The following SLCO1B1 variants were observed in gnomAD, a reference collection of about 807,000 sequenced individuals.
SLCO1B1 encodes solute carrier organic anion transporter family member 1B1.
SLCO1B1 carries 81 observed loss-of-function variants against 70.1 expected under a neutral mutation model. That is an observed-to-expected ratio of 1.16 (90% CI 0.97 to 1.39). The LOEUF (loss-of-function observed/expected upper bound fraction) is 1.39, where lower values mean the gene tolerates loss of function less well. Ranked by LOEUF, SLCO1B1 falls within the 40% of genes most tolerant of loss-of-function variation. SLCO1B1 has a pLI of 0.00. For missense variants in SLCO1B1, 895 were observed against 799.6 expected (o/e 1.12, Z -1.44); for synonymous variants, 283 against 271.5 (o/e 1.04, Z -0.42).
In SLCO1B1 at chr12:21,239,077, A is replaced by G. The variant is rs56199088; in HGVS notation, c.1964A>G (p.Asp655Gly). Reference sequence around the variant, plus strand: ...ATGAAGAAAAAATATCAAGAGAAAGATATCAATGCATCAGAAAATGGAAGT... The same window carrying G: ...ATGAAGAAAAAATATCAAGAGAAAGGTATCAATGCATCAGAAAATGGAAGT... ...YAMKKKYQEK[D>G]INASENGSVM... The change falls in exon 15 of 15, where the codon GAT becomes GGT. Residue 655 changes from aspartate (D) to glycine (G), a missense_variant. Physicochemically the swap from Asp to Gly is moderately conservative, Grantham distance 94 (BLOSUM62 -1). Transcript: ENST00000256958. 1 of 1,596,574 alleles carries G rather than the reference A, an allele frequency of 6.3e-7. No homozygotes were observed. Among genetic ancestry groups the G allele is most frequent in the African/African-American group, 1.3e-5 (1 of 74,682 alleles).
chr12:21,138,918 C>A (rs1940267972), intron 1 of SLCO1B1, among the ~76,000 whole-genome samples: 1 of 151,948 alleles, frequency 6.6e-6, no homozygotes, highest in Non-Finnish European at 1.5e-5. Flanking sequence ...GTTGTGAAGA[C>A]CATCAAATAG....
intron 7 of SLCO1B1, among the ~76,000 whole-genome samples, chr12:21,184,010 C>G (rs1441860077): frequency 6.6e-6 from 1 of 151,166 alleles, no homozygotes; most frequent in East Asian, 1.9e-4. Flanking sequence ...GCTTAAAAAC[C>G]AGTTTTTATA....
intron 7 of SLCO1B1, among the ~76,000 whole-genome samples, chr12:21,181,447 A>T (rs1193798759): frequency 6.6e-6 from 1 of 152,194 alleles, no homozygotes; most frequent in Non-Finnish European, 1.5e-5. Context: ...GTTGTTGATT[A>T]TGACATGGTA....
rs141658897 is a variant in SLCO1B1, at chr12:21,225,529, C to T, written c.1865+690C>T. Reference sequence around the variant, plus strand: ...TAGTATAATTTCTTTCAATTATCTACGAAGCAGAAACTAAGTATGACCCAA... The same window carrying T: ...TAGTATAATTTCTTTCAATTATCTATGAAGCAGAAACTAAGTATGACCCAA... On this transcript the variant is annotated intron_variant, in intron 14 of 14. Coordinates refer to ENST00000256958, the MANE Select transcript of SLCO1B1 (RefSeq NM_006446.5). 4.9e-3 allele frequency among the ~76,000 whole-genome samples: 752 copies of T among 152,044 alleles called. 4 individuals are homozygous for T. The highest frequency in any genetic ancestry group is 0.037 in the Middle Eastern group (11 of 294).
At position 21,154,050 on chromosome 12, in the gene SLCO1B1, AG is replaced by A. The variant is rs377139908; in HGVS notation, c.84+12393del. 9.0e-4 allele frequency among the ~76,000 whole-genome samples: 137 copies of A among 151,606 alleles called. 4 individuals carry two copies. The East Asian group carries it at 0.018, about 20-fold the overall frequency. On this transcript the variant is annotated intron_variant, in intron 2 of 14. Transcript: ENST00000256958. ...GTTTATTGTATCTATTGATATAGTTAGACTTGCTTTTACTATCTTACATTAT... is the reference window on the plus strand; with the variant it reads ...GTTTATTGTATCTATTGATATAGTTAACTTGCTTTTACTATCTTACATTAT...
At chr12:21,169,802 T>C (rs1204403782) in intron 2 of SLCO1B1, among the ~76,000 whole-genome samples, 1 of 152,142 alleles carries the variant, frequency 6.6e-6, no homozygotes, top group African/African-American at 2.4e-5. Context: ...CTTTGTATTA[T>C]TTTGTTGTTG....
chr12:21,199,607 A>G (rs12317268), intron 8 of SLCO1B1, among the ~76,000 whole-genome samples: 27,936 of 152,018 alleles, frequency 0.18, 2,885 homozygotes, highest in East Asian at 0.44. Flanking sequence ...GAGTCCTCAT[A>G]CTAAATTAAT....
chr12:21,227,027 A>T (rs984212431), intron 14 of SLCO1B1, among the ~76,000 whole-genome samples: 1 of 152,206 alleles, frequency 6.6e-6, no homozygotes, highest in African/African-American at 2.4e-5. Flanking sequence ...AATGTTAAGT[A>T]GACATTGTCT....
At chr12:21,236,366 T>C (rs1941595733) in intron 14 of SLCO1B1, among the ~76,000 whole-genome samples, 1 of 152,118 alleles carries the variant, frequency 6.6e-6, no homozygotes, top group South Asian at 2.1e-4. Context: ...TTGCCAGGAA[T>C]TGGGTGGCAT....
intron 1 of SLCO1B1, among the ~76,000 whole-genome samples, chr12:21,138,948 G>C (rs1940268365): frequency 6.6e-6 from 1 of 152,072 alleles, no homozygotes; most frequent in Non-Finnish European, 1.5e-5. Context: ...ATTTTATTTT[G>C]TGTCGTTAAA....
chr12:21,142,556 A>G (rs1940326353), intron 2 of SLCO1B1, among the ~76,000 whole-genome samples: 1 of 151,972 alleles, frequency 6.6e-6, no homozygotes, highest in African/African-American at 2.4e-5. Flanking sequence ...GATTGGAGTC[A>G]ATTACAATAA....
chr12:21,172,827 C>A, intron 3 of SLCO1B1, 36 bp downstream of exon 3: 1 of 1,582,094 alleles, frequency 6.3e-7, no homozygotes, highest in Non-Finnish European at 8.6e-7. Context: ...ACCAAACTTG[C>A]AAAGTTAAAA....
intron 2 of SLCO1B1, among the ~76,000 whole-genome samples, chr12:21,146,088 TGTTTTG>T (rs1164449151): frequency 1.3e-5 from 2 of 152,150 alleles, no homozygotes; most frequent in African/African-American, 4.8e-5. Flanking sequence ...TGTTTCTTTC[TGTTTTG>T]GAAAGTTATT....
intron 2 of SLCO1B1, among the ~76,000 whole-genome samples, chr12:21,160,728 T>A (rs1940608046): frequency 6.6e-6 from 1 of 151,962 alleles, no homozygotes; most frequent in African/African-American, 2.4e-5. Flanking sequence ...TAAACAGACA[T>A]CCTACAGAAT....
At chr12:21,194,829 T>C (rs1043041599) in intron 7 of SLCO1B1, among the ~76,000 whole-genome samples, 1 of 152,222 alleles carries the variant, frequency 6.6e-6, no homozygotes, top group Non-Finnish European at 1.5e-5. Flanking sequence ...CTGCAAGCTG[T>C]ACAGGCATGG....
In SLCO1B1 at chr12:21,172,656, T is replaced by C; in HGVS notation, c.91T>C (p.Leu31=). The C allele has an allele frequency of 6.2e-7, 1 of 1,613,836 alleles. No individual in the cohort carries two copies. The highest frequency in any genetic ancestry group is 8.5e-7 in the Non-Finnish European group (1 of 1,179,880). The change falls in exon 3 of 15, where the codon TTG becomes CTG. Residue 31 remains leucine (L), a synonymous_variant. Transcript: ENST00000256958. ...TRYCNGLKMF[L]AALSLSFIAK... ...TCCTTCTGATTTTTCTTAGATGTTC[T>C]TGGCAGCTCTGTCACTCAGCTTTAT...
chr12:21,202,668 T>C lies in SLCO1B1; in HGVS notation c.1313T>C (p.Leu438Pro), dbSNP rs766223611. ...ILCENKSVAG[L>P]TMTYDGNNPV... ...TGTGAAAACAAATCAGTTGCCGGAC[T>C]AACCATGACCTATGATGGGTTTGTA... Residue 438 changes from leucine to proline, a missense_variant, in exon 10 of 15, where the codon CTA (leucine) becomes CCA (proline). Coordinates refer to ENST00000256958, the MANE Select transcript of SLCO1B1 (RefSeq NM_006446.5). The C allele has an allele frequency of 1.9e-6, 3 of 1,612,116 alleles. No homozygotes were observed. In the South Asian group the frequency reaches 3.3e-5, roughly 18 times the overall value.
chr12:21,176,906 T>C lies in SLCO1B1; in HGVS notation c.481+9T>C. The stretch of plus-strand genomic sequence containing the variant: ...TGAGATAGTGGGAAAAGGTAAGAAT[T>C]AATATTGACAGTAAAAAGTCTTCTA... On this transcript the variant is annotated intron_variant, in intron 5 of 14. Coordinates refer to ENST00000256958, the MANE Select transcript of SLCO1B1 (RefSeq NM_006446.5). 1 of 1,544,124 alleles carries C rather than the reference T, an allele frequency of 6.5e-7. No homozygotes were observed. Among genetic ancestry groups the C allele is most frequent in the Admixed American group, 1.7e-5 (1 of 59,726 alleles).
At chr12:21,131,328 G>A (rs763027754) in intron 1 of SLCO1B1, 92 bp downstream of exon 1, 2 of 151,934 alleles carry the variant, frequency 1.3e-5, no homozygotes, top group Admixed American at 6.6e-5. Context: ...AAAATATTAC[G>A]AATTTTATGC....
Sources: gnomAD v4.1 joint callset for allele counts (sites outside exome capture counted in the v4.1 genomes callset) on GRCh38, gnomAD v4.1.1 for gene constraint, MANE v1.5 for transcripts, NCBI Gene and HGNC (gene_info 2026-07-23, HGNC 2026-07-21) for gene names.